CNGB3: variants seen among roughly 807,000 people sequenced by gnomAD.
The protein encoded by CNGB3 is cyclic nucleotide gated channel subunit beta 3.
Under a neutral mutation model 92.8 loss-of-function variants are expected in CNGB3, and 86 were observed. The ratio of observed to expected loss-of-function variants is 0.93; its 90% confidence interval spans 0.78 to 1.11. The LOEUF is 1.11. CNGB3 is among the 50% of genes least tolerant of loss of function. The pLI is 0.00. For missense variants in CNGB3, 1,026 were observed against 956.8 expected (o/e 1.07, Z -0.95); for synonymous variants, 333 against 332.7 (o/e 1.00, Z -0.01).
chr8:86,595,716 A>G (rs1352238144), intron 15 of CNGB3, among the ~76,000 whole-genome samples: 1 of 152,170 alleles, frequency 6.6e-6, no homozygotes, highest in African/African-American at 2.4e-5. Context: ...GGAATAACTG[A>G]GTTATTCTGA....
chr8:86,579,319 A>G (rs1342895522), intron 15 of CNGB3, 67 bp from the exon 16 acceptor site: 1 of 1,550,750 alleles, frequency 6.4e-7, no homozygotes, highest in Non-Finnish European at 8.9e-7. Flanking sequence ...CTCTTTAAAA[A>G]AATAGCAACT....
Position 86,611,643 on chromosome 8 carries a change from A to G in CNGB3, c.1607T>C (p.Met536Thr), listed in dbSNP as rs367652647. The change falls in exon 14 of 18, where the codon ATG (methionine) becomes ACG (threonine). Residue 536 changes from methionine to threonine, a missense_variant. By Grantham distance (81) the Met-to-Thr change is moderately conservative. Transcript: ENST00000320005. Reference protein sequence around the residue: ...KGCDTQMIYDMLLRLKSVLYL... With the variant: ...KGCDTQMIYDTLLRLKSVLYL... Reference sequence around the variant, plus strand: ...GAGAACGGATTTCAATCTTAGCAACATGTCATAAATCATCTGTGTATCACA... The same window carrying G: ...GAGAACGGATTTCAATCTTAGCAACGTGTCATAAATCATCTGTGTATCACA... The G allele has an allele frequency of 2.5e-5, 40 of 1,613,394 alleles. No homozygotes were observed. The highest frequency in any genetic ancestry group is 3.1e-5 in the Non-Finnish European group (37 of 1,179,456).
chr8:86,733,547 A>G (rs780701001), intron 2 of CNGB3, among the ~76,000 whole-genome samples: 4 of 152,194 alleles, frequency 2.6e-5, no homozygotes, highest in South Asian at 2.1e-4. Context: ...AAAGTTATAT[A>G]CATTTTGTAG....
intron 3 of CNGB3, among the ~76,000 whole-genome samples, chr8:86,705,154 C>G (rs1318669857): frequency 6.6e-6 from 1 of 152,130 alleles, no homozygotes; most frequent in African/African-American, 2.4e-5. Flanking sequence ...TGCTGAAGTC[C>G]TTTGCCAATA....
At chr8:86,587,180 G>A (rs1188864115) in intron 15 of CNGB3, among the ~76,000 whole-genome samples, 4 of 148,172 alleles carry the variant, frequency 2.7e-5, no homozygotes, top group South Asian at 2.2e-4. Context: ...TTTTTGATGG[G>A]GTTGTTTGTT....
chr8:86,720,853 C>CACAG (rs1309151718), intron 3 of CNGB3, among the ~76,000 whole-genome samples: 1 of 84,460 alleles, frequency 1.2e-5, no homozygotes, highest in African/African-American at 3.6e-5. Flanking sequence ...CACACACACA[C>CACAG]ACACACACAC....
intron 7 of CNGB3, among the ~76,000 whole-genome samples, chr8:86,652,859 A>G (rs1823433228): frequency 6.6e-6 from 1 of 152,150 alleles, no homozygotes; most frequent in Non-Finnish European, 1.5e-5. Context: ...AACAATAAAG[A>G]GTACAGGATA....
chr8:86,596,738 G>A (rs189142358), intron 15 of CNGB3, among the ~76,000 whole-genome samples: 4 of 152,180 alleles, frequency 2.6e-5, no homozygotes, highest in African/African-American at 9.6e-5. Flanking sequence ...TATATTTATC[G>A]CTGCTCTGTT....
chr8:86,583,921 CAAA>C (rs71574285), intron 15 of CNGB3, among the ~76,000 whole-genome samples: 17 of 61,206 alleles, frequency 2.8e-4, no homozygotes, highest in South Asian at 9.8e-4. Context: ...GACCTTGTCT[CAAA>C]AAAAAAAAAA....
intron 15 of CNGB3, among the ~76,000 whole-genome samples, chr8:86,592,064 C>T (rs112919040): frequency 0.061 from 9,348 of 152,270 alleles, 434 homozygotes; most frequent in Non-Finnish European, 0.085. Flanking sequence ...TTAAGCCCGT[C>T]GGAAAAGCGC....
chr8:86,643,274 C>T (rs1823227387), intron 10 of CNGB3, among the ~76,000 whole-genome samples: 2 of 151,426 alleles, frequency 1.3e-5, no homozygotes, highest in Non-Finnish European at 3.0e-5. Flanking sequence ...TACATGTATA[C>T]AATGCATAGT....
At chr8:86,743,389 G>A in intron 1 of CNGB3, 110 bp downstream of exon 1, 1 of 1,184,304 alleles carries the variant, frequency 8.4e-7, no homozygotes, top group South Asian at 1.2e-5. Flanking sequence ...TGTACCAGAT[G>A]GTGCCAGGTA....
intron 3 of CNGB3, among the ~76,000 whole-genome samples, chr8:86,713,379 G>C (rs535113857): frequency 7.4e-4 from 112 of 152,244 alleles, no homozygotes; most frequent in African/African-American, 2.6e-3. Flanking sequence ...GCTGGGGATA[G>C]AACTCAAGCA....
chr8:86,701,806 G>C (rs1022648426), intron 3 of CNGB3, among the ~76,000 whole-genome samples: 1 of 151,930 alleles, frequency 6.6e-6, no homozygotes, highest in Non-Finnish European at 1.5e-5. Context: ...CATTTGTTAC[G>C]AATTTTACCA....
At chr8:86,651,614 C>A (rs192278362) in intron 7 of CNGB3, among the ~76,000 whole-genome samples, 355 of 151,926 alleles carry the variant, frequency 2.3e-3, no homozygotes, top group African/African-American at 8.3e-3. Context: ...TTTTTGCTTG[C>A]TTTCTATTCA....
At chr8:86,594,822 C>T (rs1822134372) in intron 15 of CNGB3, among the ~76,000 whole-genome samples, 1 of 152,180 alleles carries the variant, frequency 6.6e-6, no homozygotes, top group Admixed American at 6.5e-5. Flanking sequence ...GATTCTCCTG[C>T]CTCAGCCTCC....
At chr8:86,626,859 C>A (rs994081266) in intron 12 of CNGB3, among the ~76,000 whole-genome samples, 1 of 150,560 alleles carries the variant, frequency 6.6e-6, no homozygotes, top group Non-Finnish European at 1.5e-5. Flanking sequence ...TTTTTTAAAA[C>A]CTTGTATTTT....
chr8:86,717,249 G>A (rs1282415925), intron 3 of CNGB3, among the ~76,000 whole-genome samples: 1 of 151,986 alleles, frequency 6.6e-6, no homozygotes, highest in Non-Finnish European at 1.5e-5. Flanking sequence ...AAATGAGATA[G>A]ACGGCAACAC....
At chr8:86,643,137 C>T (rs1823223542) in intron 10 of CNGB3, among the ~76,000 whole-genome samples, 1 of 151,338 alleles carries the variant, frequency 6.6e-6, no homozygotes, top group Non-Finnish European at 1.5e-5. Context: ...ATCTATCAGA[C>T]TCTGATATTT....
Sources: allele counts gnomAD v4.1 joint callset (sites outside exome capture counted in the v4.1 genomes callset), GRCh38; gene constraint gnomAD v4.1.1; transcripts MANE v1.5; gene names NCBI Gene and HGNC (gene_info 2026-07-23, HGNC 2026-07-21).